Variants in CFAP61 observed in about 807,000 individuals in gnomAD.
CFAP61 encodes cilia and flagella associated protein 61, also known as cilia- and flagella-associated protein 61.
In CFAP61, 107 loss-of-function variants were observed where a neutral mutation model predicts 135.6. That is an observed-to-expected ratio of 0.79 (90% confidence interval 0.67 to 0.93). The LOEUF (loss-of-function observed/expected upper bound fraction) is 0.93, where lower values mean the gene tolerates loss of function less well. Among genes scored for constraint, CFAP61 ranks in the 40% least tolerant of loss-of-function variants. The probability of loss-of-function intolerance (pLI) is 0.00; values close to 1 mark genes in which losing one functional copy is unlikely to be tolerated. For missense variants in CFAP61, 1,507 were observed against 1,556.2 expected (o/e 0.97, Z 0.53); for synonymous variants, 575 against 578.5 (o/e 0.99, Z 0.09).
intron 20 of CFAP61, among the ~76,000 whole-genome samples, chr20:20,256,229 TC>T (rs1569201169): frequency 6.6e-6 from 1 of 152,158 alleles, no homozygotes; most frequent in East Asian, 1.9e-4. Flanking sequence ...ACCAACAAAA[TC>T]ATGGAAAGTT....
At chr20:20,147,744 A>G (rs539316351) in intron 9 of CFAP61, among the ~76,000 whole-genome samples, 1 of 152,126 alleles carries the variant, frequency 6.6e-6, no homozygotes, top group Admixed American at 6.6e-5. Context: ...TTTTTAGTTT[A>G]GTTAGGTCCA....
intron 25 of CFAP61, among the ~76,000 whole-genome samples, chr20:20,305,174 T>C (rs967795683): frequency 2.0e-5 from 3 of 152,212 alleles, no homozygotes; most frequent in Non-Finnish European, 4.4e-5. Flanking sequence ...TGGCTGAGTG[T>C]TGCTGTGCAC....
intron 8 of CFAP61, among the ~76,000 whole-genome samples, chr20:20,117,182 T>TA: frequency 6.6e-6 from 1 of 151,950 alleles, no homozygotes; most frequent in East Asian, 1.9e-4. Flanking sequence ...ATGGTTCTAC[T>TA]AAAAATACAA....
intron 24 of CFAP61, among the ~76,000 whole-genome samples, chr20:20,294,934 CAAAAATAAT>C (rs1339890576): frequency 3.0e-5 from 3 of 98,362 alleles, no homozygotes; most frequent in African/African-American, 1.5e-4. Flanking sequence ...GACTCCGTCT[CAAAAATAAT>C]AATAATAATA....
Position 20,334,800 on chromosome 20 carries a change from C to T in CFAP61, c.3423-7031C>T, listed in dbSNP as rs533234774. On this transcript the variant is annotated intron_variant, in intron 25 of 26. Transcript: ENST00000245957. ...AAGCAATCAAAAAATTGACTAGATA[C>T]GGATTCTTGCAAACTCAGGCTGAAC... Among the ~76,000 whole-genome samples the T allele has an allele frequency of 1.2e-4, 19 of 152,270 alleles. No individual in the cohort carries two copies. In the South Asian group the frequency reaches 2.5e-3, roughly 20 times the overall value.
chr20:20,228,227 T>G (rs768608746), intron 17 of CFAP61, 22 bp from the exon 18 acceptor site: 1 of 1,589,828 alleles, frequency 6.3e-7, no homozygotes, highest in South Asian at 1.1e-5. Context: ...ACTCCTTCTT[T>G]GTCTTCGTAT....
Position 20,142,906 on chromosome 20 carries a change from G to A in CFAP61, c.909G>A (p.Glu303=), listed in dbSNP as rs757643275. The part of the protein sequence containing the change: ...SSQGSQKIVE[E]LQEPVSPDTM... ...AAGGTTCCCAAAAAATAGTCGAGGA[G>A]TTGCAGGAACCTGTCTCTCCAGATA... is the stretch of plus-strand genomic sequence containing the variant. Residue 303 remains glutamate (E), a synonymous_variant, in exon 9 of 27, where the codon GAG becomes GAA. Coordinates refer to ENST00000245957, the MANE Select transcript of CFAP61 (RefSeq NM_015585.4). The A allele has an allele frequency of 8.1e-6, 13 of 1,603,808 alleles. No homozygotes were observed. The East Asian group carries it at 2.7e-4, about 33-fold the overall frequency.
intron 25 of CFAP61, among the ~76,000 whole-genome samples, chr20:20,337,785 C>T (rs780947941): frequency 5.3e-5 from 8 of 152,064 alleles, no homozygotes; most frequent in Non-Finnish European, 1.0e-4. Context: ...TACAATCCTG[C>T]CTGCCTCTCA....
At chr20:20,299,075 AAACC>A (rs775992891) in intron 25 of CFAP61, among the ~76,000 whole-genome samples, 5 of 152,192 alleles carry the variant, frequency 3.3e-5, no homozygotes, top group Non-Finnish European at 7.3e-5. Context: ...TGTGGAATGA[AAACC>A]ATGCAGTTCC....
At chr20:20,057,374 A>T (rs1380948617) in intron 2 of CFAP61, among the ~76,000 whole-genome samples, 2 of 152,166 alleles carry the variant, frequency 1.3e-5, no homozygotes, top group East Asian at 3.8e-4. Context: ...TCACTAGTGG[A>T]GTCACTTAAA....
chr20:20,157,448 A>AT (rs1569025235), intron 9 of CFAP61, among the ~76,000 whole-genome samples: 1 of 152,244 alleles, frequency 6.6e-6, no homozygotes, highest in Non-Finnish European at 1.5e-5. Flanking sequence ...ATGGAATAGA[A>AT]TTAAACAACT....
intron 20 of CFAP61, chr20:20,259,852 C>T (rs138872266): frequency 4.6e-4 from 70 of 152,286 alleles, no homozygotes; most frequent in African/African-American, 1.6e-3. Flanking sequence ...TCCTAGCCAC[C>T]GTGAGTTATT....
At chr20:20,291,102 A>G (rs1393621528) in intron 24 of CFAP61, among the ~76,000 whole-genome samples, 1 of 152,010 alleles carries the variant, frequency 6.6e-6, no homozygotes, top group African/African-American at 2.4e-5. Context: ...AGCCTCCCCC[A>G]CTATCAACAT....
At chr20:20,082,427 T>C (rs994229840) in intron 6 of CFAP61, among the ~76,000 whole-genome samples, 7 of 152,230 alleles carry the variant, frequency 4.6e-5, no homozygotes, top group African/African-American at 1.4e-4. Context: ...GTTACTGTTC[T>C]GTACTTTTCA....
chr20:20,245,335 C>T (rs2424296), intron 18 of CFAP61, among the ~76,000 whole-genome samples: 9 of 151,790 alleles, frequency 5.9e-5, no homozygotes, highest in East Asian at 5.8e-4. Flanking sequence ...TTCAGTTCCA[C>T]GTGGCTGGGG....
chr20:20,360,362 C>T lies in CFAP61; in HGVS notation c.3666C>T (p.His1222=), dbSNP rs748096079. The change falls in exon 27 of 27, where the codon CAC becomes CAT. Residue 1222 remains histidine, a synonymous_variant. Coordinates refer to ENST00000245957, the MANE Select transcript of CFAP61 (RefSeq NM_015585.4). The stretch of plus-strand genomic sequence containing the variant: ...AGAGAAGCACTCTTGACTACCTGCA[C>T]TATAACCGCTACCACCTGCCCATGT... The part of the protein sequence containing the change: ...LVERSTLDYL[H]YNRYHLPMYA... The T allele has an allele frequency of 6.2e-7, 1 of 1,613,798 alleles. No individual in the cohort carries two copies. Among genetic ancestry groups the T allele is most frequent in the Non-Finnish European group, 8.5e-7 (1 of 1,180,040 alleles).
chr20:20,060,948 C>T (rs1033862607), intron 2 of CFAP61, among the ~76,000 whole-genome samples: 2 of 152,206 alleles, frequency 1.3e-5, no homozygotes, highest in African/African-American at 4.8e-5. Flanking sequence ...CTTCAGATGG[C>T]TTTAGCCACT....
chr20:20,217,122 A>G (rs1286124439), intron 17 of CFAP61, among the ~76,000 whole-genome samples: 1 of 152,244 alleles, frequency 6.6e-6, no homozygotes, highest in Non-Finnish European at 1.5e-5. Flanking sequence ...TGAACTTTGT[A>G]GCCTTAGCAT....
At chr20:20,085,899 C>G (rs7271851) in intron 6 of CFAP61, among the ~76,000 whole-genome samples, 3 of 152,200 alleles carry the variant, frequency 2.0e-5, no homozygotes, top group Non-Finnish European at 4.4e-5. Context: ...CAGAGAAAAG[C>G]CACCACCTCT....
Sources: gnomAD v4.1 joint callset for allele counts (sites outside exome capture counted in the v4.1 genomes callset) on GRCh38, gnomAD v4.1.1 for gene constraint, MANE v1.5 for transcripts, NCBI Gene and HGNC (gene_info 2026-07-23, HGNC 2026-07-21) for gene names.